Variants in SCN3A observed in about 807,000 individuals in gnomAD.
SCN3A encodes the protein sodium voltage-gated channel alpha subunit 3.
SCN3A carries 60 observed loss-of-function variants against 187.6 expected under a neutral mutation model. That is an observed-to-expected ratio of 0.32 (90% CI 0.26 to 0.40). SCN3A has a LOEUF of 0.40. Among genes scored for constraint, SCN3A ranks in the 10% least tolerant of loss-of-function variants. The pLI, the probability that SCN3A is intolerant of heterozygous loss-of-function variation, is 1.00. For missense variants in SCN3A, 1,601 were observed against 2,428.2 expected, an observed-to-expected ratio of 0.66 and a Z score of 7.16; for synonymous variants, 788 against 829.2, an observed-to-expected ratio of 0.95 and a Z score of 0.85.
chr2:165,178,547 G>A (rs191650716), intron 2 of SCN3A, among the ~76,000 whole-genome samples: 12 of 152,254 alleles, frequency 7.9e-5, no homozygotes, highest in African/African-American at 1.4e-4. Flanking sequence ...TGTTTTTAAC[G>A]TAAGATATGT....
chr2:165,096,566 C>A (rs1574100007), intron 23 of SCN3A, 46 bp from the exon 24 acceptor site: 2 of 1,385,922 alleles, frequency 1.4e-6, no homozygotes, highest in Non-Finnish European at 2.1e-6. Context: ...TTTCACCTAA[C>A]AATGACATTT....
At chr2:165,101,342 T>C (rs1685593686) in intron 21 of SCN3A, among the ~76,000 whole-genome samples, 1 of 152,210 alleles carries the variant, frequency 6.6e-6, no homozygotes, top group African/African-American at 2.4e-5. Flanking sequence ...TTATTTGCTT[T>C]AATTTTCTTT....
At position 165,102,708 on chromosome 2, in the gene SCN3A, G is replaced by A. The variant is rs547464583; in HGVS notation, c.3844-2284C>T. Among the ~76,000 whole-genome samples, 5 of 152,230 alleles carry A rather than the reference G, an allele frequency of 3.3e-5. No homozygotes were observed. In the South Asian group the frequency reaches 1.0e-3, roughly 32 times the overall value. On this transcript the variant is annotated intron_variant, in intron 21 of 27. Coordinates refer to ENST00000283254, the MANE Select transcript of SCN3A (RefSeq NM_006922.4). ...ATTTTAATGGACCTCATGGCCCAGA[G>A]GACATAGTGCCAGAGTTGCAGCCAC...
intron 2 of SCN3A, among the ~76,000 whole-genome samples, chr2:165,183,379 C>T (rs1479501534): frequency 6.6e-6 from 1 of 152,166 alleles, no homozygotes; most frequent in Non-Finnish European, 1.5e-5. Flanking sequence ...TCTAAAAGAT[C>T]TAAGCTGTAT....
intron 25 of SCN3A, among the ~76,000 whole-genome samples, chr2:165,094,983 G>A (rs1685294948): frequency 6.6e-6 from 1 of 152,100 alleles, no homozygotes. Flanking sequence ...TGAATTCAGA[G>A]ACTCAGAGAC....
intron 18 of SCN3A, among the ~76,000 whole-genome samples, chr2:165,117,652 A>G (rs541794306): frequency 6.6e-6 from 1 of 152,252 alleles, no homozygotes; most frequent in Non-Finnish European, 1.5e-5. Flanking sequence ...CACTTTATAG[A>G]GAGAATTATA....
At chr2:165,182,434 T>A (rs1453420832) in intron 2 of SCN3A, among the ~76,000 whole-genome samples, 1 of 152,100 alleles carries the variant, frequency 6.6e-6, no homozygotes, top group Non-Finnish European at 1.5e-5. Context: ...AATATAACAT[T>A]TAAATGAGAA....
chr2:165,143,601 A>T (rs1363178762), intron 12 of SCN3A, among the ~76,000 whole-genome samples: 1 of 152,240 alleles, frequency 6.6e-6, no homozygotes, highest in African/African-American at 2.4e-5. Context: ...GATGCAGCAG[A>T]GTGGAGGGAA....
At chr2:165,132,322 AG>A (rs1235649124) in intron 15 of SCN3A, among the ~76,000 whole-genome samples, 5 of 152,326 alleles carry the variant, frequency 3.3e-5, no homozygotes, top group African/African-American at 1.2e-4. Context: ...TGCATCGCCC[AG>A]TCAATCCTAA....
chr2:165,124,505 C>A (rs1382851417), intron 18 of SCN3A, among the ~76,000 whole-genome samples: 3 of 151,840 alleles, frequency 2.0e-5, no homozygotes, highest in Admixed American at 1.3e-4. Context: ...TTTTTTCTTT[C>A]ACTTTATAAT....
At chr2:165,164,247 C>G in intron 6 of SCN3A, 145 bp downstream of exon 6, 1 of 1,008,074 alleles carries the variant, frequency 9.9e-7, no homozygotes, top group South Asian at 1.5e-5. Context: ...AATATGTATT[C>G]TAATATGTAT....
chr2:165,177,514 T>G (rs191036066), intron 2 of SCN3A, among the ~76,000 whole-genome samples: 1 of 152,360 alleles, frequency 6.6e-6, no homozygotes, highest in Non-Finnish European at 1.5e-5. Flanking sequence ...CCTAGCTATT[T>G]TCCCTCTTTT....
chr2:165,184,502 A>T (rs866720901), intron 2 of SCN3A, among the ~76,000 whole-genome samples: 1 of 88,592 alleles, frequency 1.1e-5, no homozygotes, highest in Non-Finnish European at 2.0e-5. Context: ...AAAAAAAAGA[A>T]AAAAAAAAAA....
chr2:165,160,616 A>T (rs1689302834), intron 9 of SCN3A, among the ~76,000 whole-genome samples: 1 of 149,252 alleles, frequency 6.7e-6, no homozygotes, highest in African/African-American at 2.5e-5. Flanking sequence ...TTCTTTTTTT[A>T]GAGTGTGCTT....
At chr2:165,135,834 TAACTC>T (rs970304227) in intron 15 of SCN3A, among the ~76,000 whole-genome samples, 3 of 152,074 alleles carry the variant, frequency 2.0e-5, no homozygotes, top group African/African-American at 4.8e-5. Context: ...TAGAAATAAA[TAACTC>T]AAGTCTGTTC....
intron 1 of SCN3A, among the ~76,000 whole-genome samples, chr2:165,199,395 A>G (rs1055080267): frequency 6.6e-6 from 1 of 151,982 alleles, no homozygotes; most frequent in Non-Finnish European, 1.5e-5. Flanking sequence ...AAAACCCCTG[A>G]AAATTCATTT....
intron 25 of SCN3A, among the ~76,000 whole-genome samples, chr2:165,095,066 T>TA (rs570236709): frequency 3.2e-3 from 484 of 151,070 alleles, no homozygotes; most frequent in Non-Finnish European, 4.0e-3. Flanking sequence ...CATTCCAGGA[T>TA]AAAAAAAAAT....
chr2:165,197,917 A>G (rs1382975520), intron 1 of SCN3A, among the ~76,000 whole-genome samples: 2 of 151,978 alleles, frequency 1.3e-5, no homozygotes, highest in African/African-American at 2.4e-5. Context: ...TTTATTTTAA[A>G]TGTAGTTATT....
rs1468465575 is a variant in SCN3A, at chr2:165,176,140, G to A, written c.255C>T (p.Ile85=). 6.2e-7 allele frequency: 1 copy of A among 1,613,204 alleles called. No individual in the cohort carries two copies. Among genetic ancestry groups the A allele is most frequent in the Admixed American group, 1.7e-5 (1 of 60,000 alleles). ...TAAAATCAATACTCACTTTCTTATT[G>A]ATATAGTAGGGATCCAGGTCCTCCA... ...EPLEDLDPYY[I]NKKTFIVMNK... The change falls in exon 3 of 28, where the codon ATC becomes ATT. Residue 85 remains isoleucine (I), a synonymous_variant. Coordinates refer to ENST00000283254, the MANE Select transcript of SCN3A (RefSeq NM_006922.4).
Sources: allele counts gnomAD v4.1 joint callset (sites outside exome capture counted in the v4.1 genomes callset), GRCh38; gene constraint gnomAD v4.1.1; transcripts MANE v1.5; gene names NCBI Gene and HGNC (gene_info 2026-07-23, HGNC 2026-07-21).